EHHADH: variants seen among roughly 807,000 people sequenced by gnomAD.
EHHADH encodes enoyl-CoA hydratase and 3-hydroxyacyl CoA dehydrogenase.
A neutral mutation model predicts 64.4 loss-of-function variants in EHHADH; 48 were observed. The observed-to-expected ratio is 0.75, with a 90% CI of 0.59 to 0.95. EHHADH has a LOEUF of 0.95. Ranked by LOEUF, EHHADH falls within the 40% of genes least tolerant of loss-of-function variation. The pLI is 0.00. For synonymous variants in EHHADH, 308 were observed against 326.7 expected (o/e 0.94, Z 0.62); for missense variants, 854 against 876.6 (o/e 0.97, Z 0.33).
chr3:185,212,501 C>CT (rs748718300), intron 5 of EHHADH, among the ~76,000 whole-genome samples: 5 of 152,204 alleles, frequency 3.3e-5, no homozygotes, highest in Non-Finnish European at 4.4e-5. Context: ...TGGAAATTCC[C>CT]TTTTCTCCCT....
chr3:185,250,920 CTGA>C (rs1719727866), intron 1 of EHHADH, among the ~76,000 whole-genome samples: 1 of 152,174 alleles, frequency 6.6e-6, no homozygotes, highest in Non-Finnish European at 1.5e-5. Flanking sequence ...ATCAGTGCCA[CTGA>C]GGAGAAGAAA....
Position 185,204,404 on chromosome 3 carries a change from C to T in EHHADH, c.910+12G>A. On this transcript the variant is annotated intron_variant, in intron 6 of 6. Transcript: ENST00000231887. ...GATTTGGAGGATTCCATTCATTACC[C>T]CATGGTCTTACCAACAACACCAACT... is the stretch of plus-strand genomic sequence containing the variant. The T allele has an allele frequency of 6.3e-7, 1 of 1,586,940 alleles. No individual in the cohort carries two copies. Among genetic ancestry groups the T allele is most frequent in the Admixed American group, 1.7e-5 (1 of 58,898 alleles).
chr3:185,234,739 G>T (rs1372618645), intron 3 of EHHADH, among the ~76,000 whole-genome samples: 1 of 152,184 alleles, frequency 6.6e-6, no homozygotes, highest in Non-Finnish European at 1.5e-5. Context: ...CTAGGGCTAA[G>T]GTTAAGGGAA....
At chr3:185,196,349 G>A (rs187491564) in intron 6 of EHHADH, among the ~76,000 whole-genome samples, 1 of 152,194 alleles carries the variant, frequency 6.6e-6, no homozygotes, top group East Asian at 1.9e-4. Context: ...TTCATCAACT[G>A]GTGTATAGAT....
At chr3:185,222,374 T>A (rs1718860831) in intron 4 of EHHADH, among the ~76,000 whole-genome samples, 1 of 152,024 alleles carries the variant, frequency 6.6e-6, no homozygotes, top group African/African-American at 2.4e-5. Flanking sequence ...CAGTGGGAGA[T>A]ACCATCTCAG....
intron 6 of EHHADH, among the ~76,000 whole-genome samples, chr3:185,204,141 A>T (rs1412357864): frequency 1.3e-5 from 2 of 149,738 alleles, no homozygotes; most frequent in Admixed American, 6.7e-5. Flanking sequence ...TCAAAAAAAA[A>T]AAAAAAAAAA....
Position 185,248,464 on chromosome 3 carries a change from T to C in EHHADH, c.128A>G (p.His43Arg). The C allele has an allele frequency of 1.2e-6, 2 of 1,614,162 alleles. No individual in the cohort carries two copies. The highest frequency in any genetic ancestry group is 8.5e-7 in the Non-Finnish European group (1 of 1,180,006). The change falls in exon 2 of 7, where the codon CAT becomes CGT. Residue 43 changes from histidine (H) to arginine (R), a missense_variant. By Grantham distance (29) the His-to-Arg change is conservative (BLOSUM62 0). Coordinates refer to ENST00000231887, the MANE Select transcript of EHHADH (RefSeq NM_001966.4). ...ACAAATCACAATGGCTTTTATTGTA[T>C]GGTCTATTACAGCTTTCTGTAGTCC... The part of the protein sequence containing the change: ...KEGLQKAVID[H>R]TIKAIVICGA...
chr3:185,214,365 C>A (rs1033182811), intron 5 of EHHADH, among the ~76,000 whole-genome samples: 3 of 152,096 alleles, frequency 2.0e-5, no homozygotes, highest in African/African-American at 7.2e-5. Flanking sequence ...AAAACAAAGC[C>A]CCAAAGATGA....
intron 6 of EHHADH, among the ~76,000 whole-genome samples, chr3:185,194,817 A>AAAAAAAAAAAAAAAAAAAAAAAAAAC (rs1459738172): frequency 6.9e-6 from 1 of 145,676 alleles, no homozygotes; most frequent in Non-Finnish European, 1.5e-5. Context: ...AAAAAAAAAA[A>AAAAAAAAAAAAAAAAAAAAAAAAAAC]AAAAAAAAAA....
At chr3:185,231,969 ATT>A (rs11303425) in intron 3 of EHHADH, among the ~76,000 whole-genome samples, 2 of 147,952 alleles carry the variant, frequency 1.4e-5, no homozygotes, top group African/African-American at 4.9e-5. Flanking sequence ...CCAAAAGGCT[ATT>A]TTTTTTTTTT....
At chr3:185,248,238 T>C (rs1719648630) in intron 2 of EHHADH, 176 bp downstream of exon 2, 2 of 597,882 alleles carry the variant, frequency 3.3e-6, no homozygotes, top group Non-Finnish European at 6.0e-6. Flanking sequence ...TAAGCCCTTC[T>C]CTGGGTCTCT....
At chr3:185,235,256 C>A in intron 3 of EHHADH, 34 bp downstream of exon 3, 1 of 1,550,900 alleles carries the variant, frequency 6.4e-7, no homozygotes, top group African/African-American at 1.4e-5. Flanking sequence ...AAAAGCCCCA[C>A]ACACCAGCCA....
rs115354832 is a variant in EHHADH at position 185,192,086 on chromosome 3, G to A, written c.*140C>T. On this transcript the variant is annotated 3_prime_UTR_variant, in exon 7 of 7. Transcript: ENST00000231887. ...TCCTAAAGATTTGACCATTAGAGTC[G>A]TTACACAGAAGATTCTAATGATTAT... is the stretch of plus-strand genomic sequence containing the variant. 1.1e-3 allele frequency: 1,144 copies of A among 1,004,496 alleles called. 14 individuals carry two copies. In the African/African-American group the frequency reaches 0.016, roughly 14 times the overall value. 62.2% of individuals were successfully genotyped at this position (1,004,496 alleles called of 1,614,324 possible).
At chr3:185,249,273 C>T (rs569293935) in intron 1 of EHHADH, among the ~76,000 whole-genome samples, 2 of 152,194 alleles carry the variant, frequency 1.3e-5, no homozygotes, top group South Asian at 2.1e-4. Context: ...GGACTACAGG[C>T]GCCCGCCACC....
chr3:185,217,459 T>C (rs1718710109), intron 5 of EHHADH, among the ~76,000 whole-genome samples: 1 of 143,312 alleles, frequency 7.0e-6, no homozygotes. Context: ...GGCAAGAGAA[T>C]CACTTGAACC....
Position 185,235,382 on chromosome 3 carries a change from C to T in EHHADH, c.259G>A (p.Glu87Lys), listed in dbSNP as rs1452125111. Reference sequence around the variant, plus strand: ...TGGATTGCTGCCACCACGGGCTTCTCATTTCTCTGTATTTCATCTACTACA... The same window carrying T: ...TGGATTGCTGCCACCACGGGCTTCTTATTTCTCTGTATTTCATCTACTACA... ...GHVVDEIQRN[E>K]KPVVAAIQGM... Residue 87 changes from glutamate to lysine, a missense_variant, in exon 3 of 7, where the codon GAG (glutamate) becomes AAG (lysine). Physicochemically the swap from Glu to Lys is moderately conservative, Grantham distance 56 (BLOSUM62 1). Transcript: ENST00000231887. 6.2e-7 allele frequency: 1 copy of T among 1,613,980 alleles called. No individual in the cohort carries two copies. The highest frequency in any genetic ancestry group is 8.5e-7 in the Non-Finnish European group (1 of 1,179,972).
intron 6 of EHHADH, among the ~76,000 whole-genome samples, chr3:185,200,834 G>A (rs994360006): frequency 3.3e-5 from 5 of 152,124 alleles, no homozygotes; most frequent in Non-Finnish European, 7.4e-5. Flanking sequence ...CGTCTCCTGC[G>A]GGGCTGAGAA....
At chr3:185,234,101 T>C (rs1719216915) in intron 3 of EHHADH, among the ~76,000 whole-genome samples, 1 of 152,226 alleles carries the variant, frequency 6.6e-6, no homozygotes, top group Non-Finnish European at 1.5e-5. Context: ...TACTTTCTTA[T>C]GTTCTCTAGT....
chr3:185,194,581 C>T (rs954648970), intron 6 of EHHADH, among the ~76,000 whole-genome samples: 10 of 151,312 alleles, frequency 6.6e-5, no homozygotes, highest in African/African-American at 2.2e-4. Flanking sequence ...CATTGCACTC[C>T]AGCCTGGGCA....
Sources: allele counts gnomAD v4.1 joint callset (sites outside exome capture counted in the v4.1 genomes callset), GRCh38; gene constraint gnomAD v4.1.1; transcripts MANE v1.5; gene names NCBI Gene and HGNC (gene_info 2026-07-23, HGNC 2026-07-21).